NDC1: variants seen among roughly 807,000 people sequenced by gnomAD.
NDC1 encodes the protein NDC1 transmembrane nucleoporin.
In NDC1, 24 loss-of-function variants were observed where a neutral mutation model predicts 89.8. That is an observed-to-expected ratio of 0.27 (90% CI 0.19 to 0.38). The LOEUF (loss-of-function observed/expected upper bound fraction) is 0.38, where lower values mean the gene tolerates loss of function less well. Ranked by LOEUF, NDC1 falls within the 10% of genes least tolerant of loss-of-function variation. NDC1 has a pLI of 1.00. For synonymous variants in NDC1, 296 were observed against 284.8 expected (o/e 1.04, Z -0.39); for missense variants, 728 against 797.6 (o/e 0.91, Z 1.05).
intron 5 of NDC1, among the ~76,000 whole-genome samples, chr1:53,819,777 T>C (rs1648601923): frequency 6.6e-6 from 1 of 152,154 alleles, no homozygotes; most frequent in Admixed American, 6.5e-5. Flanking sequence ...TCCTCTCTAA[T>C]TATGTGAAAG....
In NDC1 at chr1:53,801,154, T is replaced by C. The variant is rs190113933; in HGVS notation, c.1067-306A>G. Among the ~76,000 whole-genome samples the C allele has an allele frequency of 9.6e-5, 14 of 146,476 alleles. No homozygotes were observed. In the East Asian group the frequency reaches 2.0e-3, roughly 21 times the overall value. On this transcript the variant is annotated intron_variant, in intron 10 of 17. Transcript: ENST00000371429. ...TAAAATAAAGCCAAACACTAGATCA[T>C]AGGTTGAGCGAGAAAGACCAGGGTT...
At chr1:53,778,142 A>AC (rs1238566313) in intron 16 of NDC1, among the ~76,000 whole-genome samples, 3 of 152,016 alleles carry the variant, frequency 2.0e-5, no homozygotes, top group African/African-American at 7.2e-5. Context: ...ATCCCACTTT[A>AC]CCCCACTTAA....
chr1:53,820,275 G>C (rs1232123010), intron 5 of NDC1, among the ~76,000 whole-genome samples: 4 of 150,456 alleles, frequency 2.7e-5, no homozygotes, highest in African/African-American at 7.3e-5. Flanking sequence ...CAAAAAGAAA[G>C]AAAACAAAAT....
intron 11 of NDC1, among the ~76,000 whole-genome samples, chr1:53,800,172 T>TA (rs1241242139): frequency 6.6e-6 from 1 of 152,088 alleles, no homozygotes; most frequent in African/African-American, 2.4e-5. Flanking sequence ...TGCATATACT[T>TA]AGAGTGTACA....
rs749721624 is a variant in NDC1 at position 53,772,493 on chromosome 1, C to A, written c.1801-4G>T. ...GCTTAAAGTACTTGTCGACTGCCTA[C>A]ACCAAGAAAGAAAACACATCAGTTT... On this transcript the variant is annotated splice_polypyrimidine_tract_variant and splice_region_variant and intron_variant, in intron 16 of 17. Coordinates refer to ENST00000371429, the MANE Select transcript of NDC1 (RefSeq NM_018087.5). 1 of 1,611,874 alleles carries A rather than the reference C, an allele frequency of 6.2e-7. No individual in the cohort carries two copies. Among genetic ancestry groups the A allele is most frequent in the African/African-American group, 1.3e-5 (1 of 74,802 alleles).
intron 16 of NDC1, among the ~76,000 whole-genome samples, chr1:53,784,392 G>A (rs563127062): frequency 6.6e-6 from 1 of 152,176 alleles, no homozygotes; most frequent in Non-Finnish European, 1.5e-5. Context: ...AGTGGCTCAC[G>A]CCTGCAGCAA....
intron 3 of NDC1, among the ~76,000 whole-genome samples, chr1:53,830,663 C>A (rs531291367): frequency 1.9e-4 from 29 of 149,678 alleles, no homozygotes; most frequent in African/African-American, 6.4e-4. Context: ...GAGTTTGAGA[C>A]CTGCCTGACC....
intron 7 of NDC1, 141 bp downstream of exon 7, chr1:53,809,554 A>T (rs897313119): frequency 5.1e-6 from 3 of 587,798 alleles, no homozygotes; most frequent in Non-Finnish European, 9.0e-6. Flanking sequence ...ATTTTAAACC[A>T]TATAAACTAT....
intron 10 of NDC1, among the ~76,000 whole-genome samples, chr1:53,802,082 G>C (rs1266870648): frequency 2.0e-5 from 3 of 152,136 alleles, no homozygotes; most frequent in Non-Finnish European, 2.9e-5. Flanking sequence ...CTCTCTGGCA[G>C]AGCAAATGCC....
intron 16 of NDC1, among the ~76,000 whole-genome samples, chr1:53,781,681 T>C (rs1192413107): frequency 1.3e-5 from 2 of 152,144 alleles, no homozygotes; most frequent in African/African-American, 4.8e-5. Flanking sequence ...ATGTACAACT[T>C]GCCTTAAATT....
At chr1:53,784,469 C>T (rs1043228783) in intron 16 of NDC1, among the ~76,000 whole-genome samples, 8 of 152,022 alleles carry the variant, frequency 5.3e-5, no homozygotes, top group African/African-American at 1.9e-4. Context: ...CCAGCTTGGC[C>T]AACATGGTGA....
intron 11 of NDC1, 117 bp downstream of exon 11, chr1:53,800,576 C>T (rs944922473): frequency 1.8e-5 from 19 of 1,049,014 alleles, no homozygotes; most frequent in Admixed American, 4.0e-5. Flanking sequence ...CCGCCCACCT[C>T]GGCCTCCCAA....
chr1:53,829,070 A>G (rs1648968618), intron 3 of NDC1, among the ~76,000 whole-genome samples: 2 of 152,182 alleles, frequency 1.3e-5, no homozygotes, highest in East Asian at 1.9e-4. Context: ...ATCCAAAAAC[A>G]TTTTCTGCAA....
chr1:53,800,635 A>G, intron 11 of NDC1, 58 bp downstream of exon 11: 2 of 1,590,298 alleles, frequency 1.3e-6, no homozygotes, highest in South Asian at 2.2e-5. Flanking sequence ...TACTACAGTC[A>G]TCTTTCTTAG....
At position 53,825,804 on chromosome 1, in the gene NDC1, G is replaced by A. The variant is rs778202878; in HGVS notation, c.588C>T (p.Ile196=). Residue 196 remains isoleucine, a synonymous_variant, in exon 5 of 18, where the codon ATC becomes ATT. Transcript: ENST00000371429. ...VNNMNYLPFP[I]IQQYKFLRFR... is the part of the protein sequence containing the mutation. ...AATGCTCAAATGATCTTACCTGTAT[G>A]ATGGGAAATGGAAGATAGTTCATGT... 1 of 1,588,728 alleles carries A rather than the reference G, an allele frequency of 6.3e-7. No homozygotes were observed.
intron 17 of NDC1, chr1:53,771,283 A>T (rs1419521715): frequency 1.3e-5 from 2 of 152,212 alleles, no homozygotes; most frequent in African/African-American, 4.8e-5. Context: ...GTAGATAGAA[A>T]GATGAAAGAT....
At position 53,767,282 on chromosome 1, in the gene NDC1, C is replaced by G. The variant is rs2100610506; in HGVS notation, c.*688G>C. On this transcript the variant is annotated 3_prime_UTR_variant, in exon 18 of 18. Coordinates refer to ENST00000371429, the MANE Select transcript of NDC1 (RefSeq NM_018087.5). Reference sequence around the variant, plus strand: ...TGATACAAAATAAATTCATAGATGTCAGTCAATTGTTTCTTAAAGACCAAA... The same window carrying G: ...TGATACAAAATAAATTCATAGATGTGAGTCAATTGTTTCTTAAAGACCAAA... 1 of 152,274 alleles carries G rather than the reference C, an allele frequency of 6.6e-6. No individual in the cohort carries two copies. Among genetic ancestry groups the G allele is most frequent in the Non-Finnish European group, 1.5e-5 (1 of 68,020 alleles). The allele number at this position is 152,274 out of a possible 1,614,324, so 9.4% of individuals were successfully genotyped here. A position where few individuals can be genotyped will look rare whatever the true frequency, so the allele number is the denominator to read the frequency against.
intron 5 of NDC1, among the ~76,000 whole-genome samples, chr1:53,820,023 G>A (rs1204116056): frequency 6.6e-6 from 1 of 152,106 alleles, no homozygotes; most frequent in Non-Finnish European, 1.5e-5. Context: ...GGAGGCCTGA[G>A]GCAGGTGTGT....
chr1:53,831,116 T>G (rs1056524784), intron 3 of NDC1, among the ~76,000 whole-genome samples: 3 of 151,410 alleles, frequency 2.0e-5, no homozygotes, highest in African/African-American at 4.9e-5. Context: ...TCCCAGCTAC[T>G]TGGGAGGCTG....
Sources: gnomAD v4.1 joint callset for allele counts (sites outside exome capture counted in the v4.1 genomes callset) on GRCh38, gnomAD v4.1.1 for gene constraint, MANE v1.5 for transcripts, NCBI Gene and HGNC (gene_info 2026-07-23, HGNC 2026-07-21) for gene names.